The following LIPC variants were observed in gnomAD, a reference collection of about 807,000 sequenced individuals.
LIPC encodes lipase C, hepatic type.
A neutral mutation model predicts 50.7 loss-of-function variants in LIPC; 44 were observed. That is an observed-to-expected ratio of 0.87 (90% CI 0.68 to 1.11). The LOEUF is 1.11. LIPC is among the 50% of genes most tolerant of loss of function. The pLI is 0.00. For missense variants in LIPC, 697 were observed against 648.2 expected, an observed-to-expected ratio of 1.08 and a Z score of -0.82; for synonymous variants, 271 against 256.4, an observed-to-expected ratio of 1.06 and a Z score of -0.54.
chr15:58,439,097 A>G lies in LIPC; in HGVS notation c.88+6977A>G, dbSNP rs536802756. Among the ~76,000 whole-genome samples the G allele has an allele frequency of 1.2e-3, 185 of 152,308 alleles. 1 individual carries two copies. Among genetic ancestry groups the G allele is most frequent in the African/African-American group, 4.3e-3 (179 of 41,550 alleles). Reference sequence around the variant, plus strand: ...GCAGTGGCCCTTAAAAATAGTTCTCAGGAAGATGTGTAGGTGGCGACGCTG... The same window carrying G: ...GCAGTGGCCCTTAAAAATAGTTCTCGGGAAGATGTGTAGGTGGCGACGCTG... On this transcript the variant is annotated intron_variant, in intron 1 of 8. Coordinates refer to ENST00000299022, the MANE Select transcript of LIPC (RefSeq NM_000236.3).
At chr15:58,521,942 TTG>T (rs1270484020) in intron 1 of LIPC, 2 of 151,426 alleles carry the variant, frequency 1.3e-5, no homozygotes, top group African/African-American at 4.9e-5. Flanking sequence ...TCCTTCCTGG[TTG>T]TGTGAGTTTG....
At chr15:58,453,053 C>T (rs1205010356) in intron 1 of LIPC, among the ~76,000 whole-genome samples, 3 of 152,098 alleles carry the variant, frequency 2.0e-5, no homozygotes, top group East Asian at 1.9e-4. Context: ...TCCTCCTGTA[C>T]AAAGTCTCAG....
At chr15:58,554,517 G>A (rs1226179306) in intron 6 of LIPC, among the ~76,000 whole-genome samples, 2 of 151,416 alleles carry the variant, frequency 1.3e-5, no homozygotes, top group African/African-American at 2.4e-5. Flanking sequence ...GGGGGTGGCA[G>A]GGTAGAATGA....
At position 58,542,552 on chromosome 15, in the gene LIPC, C is replaced by T. The variant is rs376354109; in HGVS notation, c.475C>T (p.Arg159Ter). 3.2e-5 allele frequency: 51 copies of T among 1,612,556 alleles called. No homozygotes were observed. The highest frequency in any genetic ancestry group is 1.6e-4 in the Middle Eastern group (1 of 6,080). Reference protein sequence around the residue: ...RWLEESVQLSRSHVHLIGYSL... With the variant: ...RWLEESVQLS ...CTTCCAGGAATCTGTGCAACTCTCT[C>T]GAAGCCATGTTCACCTAATTGGGTA... The change falls in exon 4 of 9, where the codon CGA (arginine) becomes TGA (stop). Residue 159 changes from arginine to a stop codon, truncating the protein, a stop_gained. Transcript: ENST00000299022. LOFTEE classifies it high-confidence loss of function.
At position 58,569,107 on chromosome 15, in the gene LIPC, G is replaced by T. The variant is rs1894479046; in HGVS notation, c.*280G>T. On this transcript the variant is annotated 3_prime_UTR_variant, in exon 9 of 9. Transcript: ENST00000299022. ...CAAATGCAAGAGCCATTTTAGATCT[G>T]TTGTTCTAATTTACAATGTCTTTTA... The T allele has an allele frequency of 4.2e-6, 1 of 236,086 alleles. No homozygotes were observed. Among genetic ancestry groups the T allele is most frequent in the Non-Finnish European group, 8.2e-6 (1 of 122,682 alleles). The allele number at this position is 236,086 out of a possible 1,614,324, so 14.6% of individuals were successfully genotyped here.
intron 1 of LIPC, among the ~76,000 whole-genome samples, chr15:58,495,730 G>A (rs1454874603): frequency 6.6e-6 from 1 of 152,114 alleles, no homozygotes; most frequent in Non-Finnish European, 1.5e-5. Context: ...CGCTGTCTTG[G>A]GACTGGATTT....
At chr15:58,532,296 T>C (rs1166739117) in intron 1 of LIPC, among the ~76,000 whole-genome samples, 1 of 152,180 alleles carries the variant, frequency 6.6e-6, no homozygotes, top group Non-Finnish European at 1.5e-5. Context: ...CTTTCCATCG[T>C]GCAAGAAATT....
At chr15:58,566,418 G>A in intron 8 of LIPC, 1 of 985,112 alleles carries the variant, frequency 1.0e-6, no homozygotes, top group Non-Finnish European at 1.2e-6. Context: ...CACTCTTCAA[G>A]ACTCAGTTGT....
In LIPC at chr15:58,453,742, T is replaced by TA. The variant is rs1261897553; in HGVS notation, c.88+21631dup. ...ATGGTGAAATCCCAACTACTAAAAG[T>TA]AAAAAAAAATCAGCCAGGCCTGGTA... is the stretch of plus-strand genomic sequence containing the variant. On this transcript the variant is annotated intron_variant, in intron 1 of 8. Coordinates refer to ENST00000299022, the MANE Select transcript of LIPC (RefSeq NM_000236.3). Among the ~76,000 whole-genome samples the TA allele has an allele frequency of 6.3e-4, 93 of 147,822 alleles. No individual in the cohort carries two copies. In the East Asian group the frequency reaches 1.0e-2, roughly 16 times the overall value.
intron 8 of LIPC, among the ~76,000 whole-genome samples, chr15:58,568,023 AAAGAAGTAAT>A (rs1288362256): frequency 6.6e-6 from 1 of 152,226 alleles, no homozygotes; most frequent in African/African-American, 2.4e-5. Context: ...TTCAAAGAAA[AAAGAAGTAAT>A]AAACTAGAAT....
At chr15:58,448,342 T>C (rs1003136279) in intron 1 of LIPC, among the ~76,000 whole-genome samples, 2 of 152,198 alleles carry the variant, frequency 1.3e-5, no homozygotes, top group African/African-American at 2.4e-5. Context: ...CCCATCAGGG[T>C]CCCCCAGCCC....
chr15:58,541,968 G>A lies in LIPC; in HGVS notation c.456+1G>A. Reference sequence around the variant, plus strand: ...CGCGGCTCTTCTCCGGTGGCTGGAGGTACCGACCTGCCCCATCCTTCCTTC... The same window carrying A: ...CGCGGCTCTTCTCCGGTGGCTGGAGATACCGACCTGCCCCATCCTTCCTTC... On this transcript the variant is annotated splice_donor_variant, in intron 3 of 8. Transcript: ENST00000299022. LOFTEE classifies it high-confidence loss of function. 6.2e-7 allele frequency: 1 copy of A among 1,606,042 alleles called. No homozygotes were observed. Among genetic ancestry groups the A allele is most frequent in the Non-Finnish European group, 8.5e-7 (1 of 1,178,066 alleles).
chr15:58,446,684 A>G (rs1893706335), intron 1 of LIPC, among the ~76,000 whole-genome samples: 1 of 151,992 alleles, frequency 6.6e-6, no homozygotes, highest in South Asian at 2.1e-4. Context: ...ATCTGCTTGC[A>G]CACCTCTCTC....
At chr15:58,552,763 G>A (rs115675137) in intron 6 of LIPC, among the ~76,000 whole-genome samples, 227 of 152,356 alleles carry the variant, frequency 1.5e-3, no homozygotes, top group African/African-American at 5.1e-3. Context: ...AGCAGGGGGT[G>A]TCGTAGACAG....
intron 5 of LIPC, among the ~76,000 whole-genome samples, chr15:58,547,408 G>A (rs920343803): frequency 1.3e-5 from 2 of 152,176 alleles, no homozygotes; most frequent in Non-Finnish European, 2.9e-5. Context: ...CGGAGGGCAC[G>A]CAGCATACAC....
chr15:58,500,678 G>A (rs1055823646), intron 1 of LIPC, among the ~76,000 whole-genome samples: 2 of 152,088 alleles, frequency 1.3e-5, no homozygotes, highest in African/African-American at 4.8e-5. Flanking sequence ...TGGGATCCAC[G>A]TGTAGCCCTG....
intron 1 of LIPC, among the ~76,000 whole-genome samples, chr15:58,461,213 A>T (rs75993277): frequency 0.019 from 2,846 of 152,310 alleles, 100 homozygotes; most frequent in East Asian, 0.1. Flanking sequence ...GCTAACATTT[A>T]CTGAAGGCTA....
intron 1 of LIPC, among the ~76,000 whole-genome samples, chr15:58,532,500 A>G (rs1403777875): frequency 6.6e-6 from 1 of 152,204 alleles, no homozygotes; most frequent in Admixed American, 6.5e-5. Context: ...TCAGCAGTGG[A>G]TGTTTACAAA....
At chr15:58,568,540 G>A (rs949447951) in intron 8 of LIPC, among the ~76,000 whole-genome samples, 176 bp from the exon 9 acceptor site, 1 of 152,176 alleles carries the variant, frequency 6.6e-6, no homozygotes, top group Non-Finnish European at 1.5e-5. Flanking sequence ...GGCTTTCACT[G>A]ACTTGGGTTT....
Sources: allele counts gnomAD v4.1 joint callset (sites outside exome capture counted in the v4.1 genomes callset), GRCh38; gene constraint gnomAD v4.1.1; transcripts MANE v1.5; gene names NCBI Gene and HGNC (gene_info 2026-07-23, HGNC 2026-07-21).